Variants in EXOC6B observed in about 807,000 individuals in gnomAD.
The protein encoded by EXOC6B is exocyst complex component 6B.
Under a neutral mutation model 113.5 loss-of-function variants are expected in EXOC6B, and 54 were observed. That is an observed-to-expected ratio of 0.48 (90% confidence interval 0.38 to 0.60). EXOC6B has a LOEUF of 0.60. Among genes scored for constraint, EXOC6B ranks in the 20% least tolerant of loss-of-function variants. EXOC6B has a pLI of 0.00. For synonymous variants in EXOC6B, 357 were observed against 339.0 expected, an observed-to-expected ratio of 1.05 and a Z score of -0.58; for missense variants, 797 against 977.5, an observed-to-expected ratio of 0.82 and a Z score of 2.46.
At chr2:72,503,638 C>A (rs1461381341) in intron 11 of EXOC6B, among the ~76,000 whole-genome samples, 1 of 152,222 alleles carries the variant, frequency 6.6e-6, no homozygotes, top group Non-Finnish European at 1.5e-5. Context: ...CAATTATAAA[C>A]AAGCTGCTAT....
intron 8 of EXOC6B, among the ~76,000 whole-genome samples, chr2:72,556,873 G>A (rs1402602532): frequency 1.3e-5 from 2 of 151,610 alleles, no homozygotes; most frequent in East Asian, 3.9e-4. Context: ...GTGACAAATT[G>A]TGAAAAAAGG....
At chr2:72,617,521 T>C (rs986173523) in intron 6 of EXOC6B, among the ~76,000 whole-genome samples, 117 of 135,272 alleles carry the variant, frequency 8.6e-4, no homozygotes, top group African/African-American at 3.1e-3. Context: ...TTTTTTCTTT[T>C]TTTTTTTTTT....
intron 17 of EXOC6B, among the ~76,000 whole-genome samples, chr2:72,472,286 T>C (rs1698458588): frequency 6.6e-6 from 1 of 152,110 alleles, no homozygotes; most frequent in African/African-American, 2.4e-5. Flanking sequence ...AGGATTGGTA[T>C]GAGTTATTCT....
chr2:72,711,039 C>A (rs1003885770), intron 6 of EXOC6B, among the ~76,000 whole-genome samples: 7 of 152,106 alleles, frequency 4.6e-5, no homozygotes, highest in African/African-American at 1.4e-4. Context: ...TTATTTAGTC[C>A]CACAAAGCCT....
chr2:72,394,554 C>A (rs1276268893), intron 18 of EXOC6B, among the ~76,000 whole-genome samples: 2 of 152,072 alleles, frequency 1.3e-5, no homozygotes, highest in Non-Finnish European at 2.9e-5. Context: ...GTATAAACCT[C>A]CATAGAATGA....
At chr2:72,361,975 A>C (rs1170213555) in intron 19 of EXOC6B, among the ~76,000 whole-genome samples, 1 of 152,164 alleles carries the variant, frequency 6.6e-6, no homozygotes, top group Non-Finnish European at 1.5e-5. Flanking sequence ...ACTCAGTGAG[A>C]CCAAGAATTT....
At chr2:72,752,478 T>A (rs1682118625) in intron 1 of EXOC6B, among the ~76,000 whole-genome samples, 2 of 151,734 alleles carry the variant, frequency 1.3e-5, no homozygotes, top group Non-Finnish European at 2.9e-5. Flanking sequence ...GAAAAAAAAA[T>A]GCACTAAATG....
chr2:72,689,541 G>A (rs1677335368), intron 6 of EXOC6B, among the ~76,000 whole-genome samples: 1 of 152,204 alleles, frequency 6.6e-6, no homozygotes, highest in Middle Eastern at 3.2e-3. Flanking sequence ...TATCCTAGGG[G>A]ATATAATTGA....
At chr2:72,189,841 T>C (rs1678706143) in intron 20 of EXOC6B, among the ~76,000 whole-genome samples, 2 of 132,188 alleles carry the variant, frequency 1.5e-5, no homozygotes, top group African/African-American at 6.5e-5. Flanking sequence ...TCTCTCTCTC[T>C]CTCTTTCTCC....
At chr2:72,568,772 G>A (rs1286378732) in intron 7 of EXOC6B, among the ~76,000 whole-genome samples, 1 of 151,878 alleles carries the variant, frequency 6.6e-6, no homozygotes, top group African/African-American at 2.4e-5. Context: ...AGGCATTCTT[G>A]GCAAGAAGAA....
chr2:72,648,495 G>C (rs530620764), intron 6 of EXOC6B, among the ~76,000 whole-genome samples: 3 of 152,122 alleles, frequency 2.0e-5, no homozygotes, highest in African/African-American at 7.2e-5. Flanking sequence ...GTTTCTTGTG[G>C]CACTATTCAC....
At chr2:72,340,700 A>T (rs1688979512) in intron 19 of EXOC6B, among the ~76,000 whole-genome samples, 1 of 152,190 alleles carries the variant, frequency 6.6e-6, no homozygotes, top group Non-Finnish European at 1.5e-5. Flanking sequence ...ATAATTTAAG[A>T]TCATGTTAGG....
At chr2:72,439,412 T>C (rs1348501682) in intron 18 of EXOC6B, among the ~76,000 whole-genome samples, 5 of 152,196 alleles carry the variant, frequency 3.3e-5, no homozygotes, top group Non-Finnish European at 7.3e-5. Context: ...ATTTTCTTCA[T>C]TCCTTTTCAT....
chr2:72,758,986 G>A (rs914014426), intron 1 of EXOC6B, among the ~76,000 whole-genome samples: 3 of 152,194 alleles, frequency 2.0e-5, no homozygotes, highest in Admixed American at 6.5e-5. Context: ...CTCTGGACAT[G>A]TTCCAGCAGT....
intron 20 of EXOC6B, among the ~76,000 whole-genome samples, chr2:72,266,966 C>T (rs1051303949): frequency 3.3e-5 from 5 of 152,114 alleles, no homozygotes; most frequent in African/African-American, 9.7e-5. Context: ...TGAAGAGGTC[C>T]TTCACGTCCC....
intron 19 of EXOC6B, among the ~76,000 whole-genome samples, chr2:72,361,809 T>C (rs1243236321): frequency 6.6e-6 from 1 of 152,198 alleles, no homozygotes; most frequent in Non-Finnish European, 1.5e-5. Flanking sequence ...TTTTTGTGAA[T>C]ATATACAAAG....
At position 72,369,760 on chromosome 2, in the gene EXOC6B, G is replaced by A. The variant is rs999830799; in HGVS notation, c.2122+9969C>T. 3.9e-5 allele frequency among the ~76,000 whole-genome samples: 6 copies of A among 152,306 alleles called. No individual in the cohort carries two copies. The East Asian group carries it at 9.6e-4, about 24-fold the overall frequency. Reference sequence around the variant, plus strand: ...AAACCTGACAAAAGCAAGAAATGGGGAAAGGATTCCCTATTTAACAAATGG... The same window carrying A: ...AAACCTGACAAAAGCAAGAAATGGGAAAAGGATTCCCTATTTAACAAATGG... On this transcript the variant is annotated intron_variant, in intron 19 of 21. Transcript: ENST00000272427.
chr2:72,757,785 T>C (rs1682511588), intron 1 of EXOC6B, among the ~76,000 whole-genome samples: 1 of 152,158 alleles, frequency 6.6e-6, no homozygotes, highest in African/African-American at 2.4e-5. Flanking sequence ...CAATCACCAC[T>C]GGTCAGAATT....
intron 18 of EXOC6B, among the ~76,000 whole-genome samples, chr2:72,435,549 T>G (rs1032026338): frequency 6.6e-6 from 1 of 152,198 alleles, no homozygotes; most frequent in African/African-American, 2.4e-5. Flanking sequence ...TAAGTCTTCT[T>G]GTAGGTCTTT....
Sources: gnomAD v4.1 joint callset for allele counts (sites outside exome capture counted in the v4.1 genomes callset) on GRCh38, gnomAD v4.1.1 for gene constraint, MANE v1.5 for transcripts, NCBI Gene and HGNC (gene_info 2026-07-23, HGNC 2026-07-21) for gene names.